Variants in PDZD2 observed in about 807,000 individuals in gnomAD.
The protein encoded by PDZD2 is PDZ domain containing 2.
PDZD2 carries 90 observed loss-of-function variants against 220.7 expected under a neutral mutation model. That is an observed-to-expected ratio of 0.41 (90% CI 0.34 to 0.49). The LOEUF (loss-of-function observed/expected upper bound fraction) is 0.49, where lower values mean the gene tolerates loss of function less well. Among genes scored for constraint, PDZD2 ranks in the 20% least tolerant of loss-of-function variants. The probability of loss-of-function intolerance (pLI) is 0.28; values close to 1 mark genes in which losing one functional copy is unlikely to be tolerated. For synonymous variants in PDZD2, 1,375 were observed against 1,450.5 expected (o/e 0.95, Z 1.18); for missense variants, 3,174 against 3,608.5 (o/e 0.88, Z 3.08).
intron 14 of PDZD2, among the ~76,000 whole-genome samples, chr5:32,067,207 T>C (rs1740293011): frequency 1.3e-5 from 2 of 152,288 alleles, no homozygotes; most frequent in South Asian, 2.1e-4. Context: ...TGCTGCCCAG[T>C]TGGGTTACTT....
At chr5:31,911,165 A>C (rs1428683971) in intron 2 of PDZD2, among the ~76,000 whole-genome samples, 1 of 152,250 alleles carries the variant, frequency 6.6e-6, no homozygotes, top group Non-Finnish European at 1.5e-5. Flanking sequence ...TATGTAAGCC[A>C]AATCAATTTG....
At chr5:31,767,658 A>T (rs1752106679) in intron 1 of PDZD2, among the ~76,000 whole-genome samples, 1 of 152,180 alleles carries the variant, frequency 6.6e-6, no homozygotes, top group Non-Finnish European at 1.5e-5. Flanking sequence ...TCAACGTAAG[A>T]TGGAGACTAT....
At chr5:31,744,530 A>G (rs1750467020) in intron 1 of PDZD2, 1 of 152,188 alleles carries the variant, frequency 6.6e-6, no homozygotes. Context: ...AGAATTATAT[A>G]ATCTTTTTTG....
At chr5:31,740,787 T>G (rs1445268677) in intron 1 of PDZD2, among the ~76,000 whole-genome samples, 1 of 152,184 alleles carries the variant, frequency 6.6e-6, no homozygotes, top group African/African-American at 2.4e-5. Context: ...CACTGCAGGC[T>G]TCATCTTCAG....
chr5:32,037,215 G>T lies in PDZD2; in HGVS notation c.1408-16G>T. 1 of 1,552,822 alleles carries T rather than the reference G, an allele frequency of 6.4e-7. No individual in the cohort carries two copies. Among genetic ancestry groups the T allele is most frequent in the Non-Finnish European group, 8.9e-7 (1 of 1,124,086 alleles). ...GGCTGGGCTCTCCCATCAGCTCTGT[G>T]CTTTCTGCATTTCAGATGCCTGGGA... On this transcript the variant is annotated splice_polypyrimidine_tract_variant and intron_variant, in intron 6 of 24. Transcript: ENST00000438447.
chr5:31,758,752 A>G (rs1751447908), intron 1 of PDZD2, among the ~76,000 whole-genome samples: 1 of 152,044 alleles, frequency 6.6e-6, no homozygotes, highest in Admixed American at 6.5e-5. Flanking sequence ...TTCATTCTCC[A>G]GAGTTTGAAG....
chr5:31,780,180 C>G (rs80050542), intron 1 of PDZD2, among the ~76,000 whole-genome samples: 11,925 of 151,978 alleles, frequency 0.078, 631 homozygotes, highest in Middle Eastern at 0.13. Flanking sequence ...ACCCTTGGAG[C>G]CTGGGGACGA....
chr5:32,055,229 T>C (rs1738986163), intron 10 of PDZD2, among the ~76,000 whole-genome samples: 1 of 152,156 alleles, frequency 6.6e-6, no homozygotes, highest in Non-Finnish European at 1.5e-5. Flanking sequence ...AGAGGCAGGG[T>C]CTTGCTCTGT....
rs1008838498 is a variant in PDZD2, at chr5:32,010,558, A to G, written c.1407+76A>G. Reference sequence around the variant, plus strand: ...GTCCTGGGCGCCAGGATTAGGGGATAAATGCTTGAGATAGTATGATAGAGA... The same window carrying G: ...GTCCTGGGCGCCAGGATTAGGGGATGAATGCTTGAGATAGTATGATAGAGA... On this transcript the variant is annotated intron_variant, in intron 6 of 24. Coordinates refer to ENST00000438447, the MANE Select transcript of PDZD2 (RefSeq NM_178140.4). The G allele has an allele frequency of 4.1e-6, 4 of 984,746 alleles. No homozygotes were observed. In the African/African-American group the frequency reaches 4.8e-5, roughly 12 times the overall value. 61.0% of individuals were successfully genotyped at this position (984,746 alleles called of 1,614,324 possible).
intron 1 of PDZD2, among the ~76,000 whole-genome samples, chr5:31,683,409 G>T (rs1054874044): frequency 5.9e-5 from 9 of 151,938 alleles, no homozygotes; most frequent in African/African-American, 2.2e-4. Context: ...AAACAAAAAG[G>T]TGACCCATAA....
At chr5:31,734,791 C>T (rs968294621) in intron 1 of PDZD2, among the ~76,000 whole-genome samples, 1 of 152,198 alleles carries the variant, frequency 6.6e-6, no homozygotes, top group Non-Finnish European at 1.5e-5. Context: ...CCCCATCCTA[C>T]AGCTATCCAG....
intron 21 of PDZD2, among the ~76,000 whole-genome samples, chr5:32,093,311 GT>G: frequency 6.6e-6 from 1 of 152,226 alleles, no homozygotes; most frequent in East Asian, 1.9e-4. Flanking sequence ...TATGTGTGGA[GT>G]TTGTTTGCAG....
chr5:31,865,621 CTTTTTTTTTTTTTTTT>C (rs776271275), intron 2 of PDZD2, among the ~76,000 whole-genome samples: 4 of 67,776 alleles, frequency 5.9e-5, no homozygotes, highest in African/African-American at 3.3e-4. Flanking sequence ...CTACTGGCAA[CTTTTTTTTTTTTTTTT>C]TTTTTTTTTT....
Position 31,784,083 on chromosome 5 carries a change from C to T in PDZD2, c.-360-14806C>T, listed in dbSNP as rs1048243739. Among the ~76,000 whole-genome samples, 17 of 152,206 alleles carry T rather than the reference C, an allele frequency of 1.1e-4. No homozygotes were observed. The East Asian group carries it at 2.9e-3, about 26-fold the overall frequency. ...GAGCATAAGGCTCCTCGGTAGGGCT[C>T]CAGGTCAAGAGTGGAAAAAAGAACA... On this transcript the variant is annotated intron_variant, in intron 1 of 24. Coordinates refer to ENST00000438447, the MANE Select transcript of PDZD2 (RefSeq NM_178140.4).
At chr5:32,045,393 C>T (rs1448745396) in intron 7 of PDZD2, among the ~76,000 whole-genome samples, 1 of 151,242 alleles carries the variant, frequency 6.6e-6, no homozygotes, top group Non-Finnish European at 1.5e-5. Flanking sequence ...TTCAGTTTAT[C>T]TATGTTAATA....
At chr5:31,649,646 A>G (rs1745268241) in intron 1 of PDZD2, among the ~76,000 whole-genome samples, 1 of 151,874 alleles carries the variant, frequency 6.6e-6, no homozygotes, top group Non-Finnish European at 1.5e-5. Context: ...TTAAAATATC[A>G]AGTCTCGGCT....
intron 1 of PDZD2, among the ~76,000 whole-genome samples, chr5:31,765,742 G>C (rs1162999553): frequency 7.2e-5 from 11 of 152,180 alleles, no homozygotes. Flanking sequence ...CCCATGAAAA[G>C]TGGTCACCAC....
chr5:31,891,131 T>A (rs1209002888), intron 2 of PDZD2, among the ~76,000 whole-genome samples: 6 of 35,366 alleles, frequency 1.7e-4, no homozygotes, highest in African/African-American at 5.3e-4. Flanking sequence ...TTTTTCCTTT[T>A]TTTTTTTTTT....
chr5:31,817,923 C>G (rs985466746), intron 2 of PDZD2, among the ~76,000 whole-genome samples: 6 of 150,634 alleles, frequency 4.0e-5, no homozygotes, highest in African/African-American at 1.5e-4. Context: ...CTTGGCCTCC[C>G]GAAGTACTGG....
Sources: allele counts gnomAD v4.1 joint callset (sites outside exome capture counted in the v4.1 genomes callset), GRCh38; gene constraint gnomAD v4.1.1; transcripts MANE v1.5; gene names NCBI Gene and HGNC (gene_info 2026-07-23, HGNC 2026-07-21).